The following RAP1A variants were observed in gnomAD, a reference collection of about 807,000 sequenced individuals.
The protein encoded by RAP1A is ras-related protein Rap-1A.
A neutral mutation model predicts 26.4 loss-of-function variants in RAP1A; 6 were observed. That is an observed-to-expected ratio of 0.23 (90% CI 0.12 to 0.45). The LOEUF (loss-of-function observed/expected upper bound fraction) is 0.45. Among genes scored for constraint, RAP1A ranks in the 20% least tolerant of loss-of-function variants. The pLI is 0.99. For missense variants in RAP1A, 121 were observed against 217.2 expected, an observed-to-expected ratio of 0.56 and a Z score of 2.78; for synonymous variants, 73 against 79.4, an observed-to-expected ratio of 0.92 and a Z score of 0.43.
intron 1 of RAP1A, among the ~76,000 whole-genome samples, chr1:111,591,296 CCTTT>C (rs1208363012): frequency 6.6e-6 from 1 of 151,964 alleles, no homozygotes; most frequent in Non-Finnish European, 1.5e-5. Context: ...TTCTCCTGAT[CCTTT>C]CTATCATAAC....
At chr1:111,685,774 G>A (rs950743806) in intron 1 of RAP1A, among the ~76,000 whole-genome samples, 1 of 152,134 alleles carries the variant, frequency 6.6e-6, no homozygotes, top group African/African-American at 2.4e-5. Flanking sequence ...CCATTACTGG[G>A]TATATACCCA....
At chr1:111,607,871 C>A (rs1226487736) in intron 1 of RAP1A, among the ~76,000 whole-genome samples, 1 of 121,160 alleles carries the variant, frequency 8.3e-6, no homozygotes, top group Non-Finnish European at 1.8e-5. Context: ...GGGGCCTGAC[C>A]CCCCCCACCT....
At chr1:111,571,103 A>G (rs1042942025) in intron 1 of RAP1A, among the ~76,000 whole-genome samples, 2 of 151,840 alleles carry the variant, frequency 1.3e-5, no homozygotes, top group Non-Finnish European at 2.9e-5. Context: ...GGTTCCCATG[A>G]CTCCCCCTCA....
intron 1 of RAP1A, among the ~76,000 whole-genome samples, chr1:111,669,026 G>GAAAA (rs58557062): frequency 1.9e-3 from 36 of 18,672 alleles, no homozygotes; most frequent in Non-Finnish European, 3.2e-3. Context: ...CCTATCTCAA[G>GAAAA]AAAAAAAAAA....
At chr1:111,648,776 C>T (rs1308651574) in intron 1 of RAP1A, 1 of 626,948 alleles carries the variant, frequency 1.6e-6, no homozygotes, top group Admixed American at 1.9e-5. Flanking sequence ...GAGACCAGTA[C>T]TTGTCTAGCT....
intron 1 of RAP1A, among the ~76,000 whole-genome samples, chr1:111,561,750 G>A (rs1657746821): frequency 6.6e-6 from 1 of 152,180 alleles, no homozygotes; most frequent in Admixed American, 6.5e-5. Flanking sequence ...GTATTTGTGT[G>A]TATGTGTGTG....
At chr1:111,694,349 T>C (rs1378203446) in intron 2 of RAP1A, among the ~76,000 whole-genome samples, 1 of 152,226 alleles carries the variant, frequency 6.6e-6, no homozygotes, top group Non-Finnish European at 1.5e-5. Flanking sequence ...TATATTTGAG[T>C]TAATCTCTTT....
chr1:111,545,203 C>T (rs1438202672), intron 1 of RAP1A, among the ~76,000 whole-genome samples: 2 of 152,136 alleles, frequency 1.3e-5, no homozygotes, highest in African/African-American at 4.8e-5. Context: ...AGCTACCAAA[C>T]TGTTTTCCAT....
intron 1 of RAP1A, chr1:111,648,361 TTGGA>T (rs1413433730): frequency 3.0e-6 from 2 of 667,088 alleles, no homozygotes; most frequent in Admixed American, 4.0e-5. Context: ...TGGTCGTCTT[TTGGA>T]TGGTTCGCAT....
chr1:111,564,704 G>T (rs540084696), intron 1 of RAP1A, among the ~76,000 whole-genome samples: 60 of 151,412 alleles, frequency 4.0e-4, no homozygotes, highest in Non-Finnish European at 5.9e-4. Flanking sequence ...AGTAGAGATG[G>T]GGTTTCACCG....
intron 1 of RAP1A, among the ~76,000 whole-genome samples, chr1:111,595,537 G>A (rs912259583): frequency 6.6e-5 from 10 of 152,206 alleles, no homozygotes; most frequent in Non-Finnish European, 1.5e-4. Flanking sequence ...ATAACACATG[G>A]CAAAGCTGAG....
chr1:111,604,752 A>C (rs1159837339), intron 1 of RAP1A: 1 of 152,232 alleles, frequency 6.6e-6, no homozygotes, highest in Non-Finnish European at 1.5e-5. Flanking sequence ...TTCATCCTCA[A>C]AATAATTGCA....
At chr1:111,593,473 A>G (rs1344914516) in intron 1 of RAP1A, among the ~76,000 whole-genome samples, 4 of 151,994 alleles carry the variant, frequency 2.6e-5, no homozygotes, top group African/African-American at 4.8e-5. Context: ...CTTGAAGTGT[A>G]GTGGTGGAGC....
chr1:111,666,921 A>G (rs1040958611), intron 1 of RAP1A, among the ~76,000 whole-genome samples: 3 of 90,474 alleles, frequency 3.3e-5, no homozygotes, highest in Non-Finnish European at 2.3e-5. Context: ...TGTGGCTGTC[A>G]TAGAGAGTAA....
chr1:111,654,225 A>G (rs1660380362), intron 1 of RAP1A, among the ~76,000 whole-genome samples: 1 of 152,172 alleles, frequency 6.6e-6, no homozygotes, highest in Non-Finnish European at 1.5e-5. Flanking sequence ...GGAATTTGCC[A>G]TCTTTTTTAT....
intron 1 of RAP1A, among the ~76,000 whole-genome samples, chr1:111,553,923 T>C (rs988358637): frequency 1.3e-5 from 2 of 152,218 alleles, no homozygotes; most frequent in African/African-American, 4.8e-5. Context: ...TGAATATATA[T>C]TGTGTTATTT....
intron 1 of RAP1A, among the ~76,000 whole-genome samples, chr1:111,572,914 G>A (rs1483703191): frequency 6.6e-6 from 1 of 151,998 alleles, no homozygotes; most frequent in Non-Finnish European, 1.5e-5. Flanking sequence ...TCTACTCTTA[G>A]GTAGGCTCCA....
At chr1:111,542,444 A>G (rs1656869576) in exon 1 of RAP1A, 1 of 217,710 alleles carries the variant, frequency 4.6e-6, no homozygotes, top group Non-Finnish European at 9.6e-6. Context: ...CGCCCTTAAG[A>G]GAGCAAGTCG....
chr1:111,625,951 A>C (rs890954633), intron 1 of RAP1A, among the ~76,000 whole-genome samples: 3 of 152,064 alleles, frequency 2.0e-5, no homozygotes, highest in African/African-American at 7.2e-5. Context: ...TCATAATTTC[A>C]TTAATAGATT....
Sources: gnomAD v4.1 joint callset for allele counts (sites outside exome capture counted in the v4.1 genomes callset) on GRCh38, gnomAD v4.1.1 for gene constraint, MANE v1.5 for transcripts, NCBI Gene and HGNC (gene_info 2026-07-23, HGNC 2026-07-21) for gene names.